The following MECR variants were observed in gnomAD, a reference collection of about 807,000 sequenced individuals.
MECR encodes the protein mitochondrial trans-2-enoyl-CoA reductase, also known as enoyl-[acyl-carrier-protein] reductase, mitochondrial.
Under a neutral mutation model 49.1 loss-of-function variants are expected in MECR, and 37 were observed. The ratio of observed to expected loss-of-function variants is 0.75; its 90% CI spans 0.58 to 0.99. The LOEUF (loss-of-function observed/expected upper bound fraction) is 0.99. Among genes scored for constraint, MECR ranks in the 50% least tolerant of loss-of-function variants. The probability of loss-of-function intolerance (pLI) is 0.00; values close to 1 mark genes in which losing one functional copy is unlikely to be tolerated. For missense variants in MECR, 470 were observed against 479.6 expected, an observed-to-expected ratio of 0.98 and a Z score of 0.19; for synonymous variants, 198 against 191.1, an observed-to-expected ratio of 1.04 and a Z score of -0.30.
At chr1:29,214,059 T>G (rs1444118998) in intron 3 of MECR, among the ~76,000 whole-genome samples, 1 of 149,486 alleles carries the variant, frequency 6.7e-6, no homozygotes, top group Non-Finnish European at 1.5e-5. Flanking sequence ...CAAATCAACT[T>G]TCTTTTTTTT....
chr1:29,188,619 C>CT (rs957656434), downstream of MECR, among the ~76,000 whole-genome samples: 31 of 151,276 alleles, frequency 2.0e-4, no homozygotes, highest in South Asian at 4.2e-4. Context: ...TGCGCTCAAG[C>CT]TTTTTTTTAG....
intron 1 of MECR, among the ~76,000 whole-genome samples, chr1:29,225,860 T>G (rs1205628553): frequency 6.6e-6 from 1 of 152,078 alleles, no homozygotes; most frequent in Non-Finnish European, 1.5e-5. Flanking sequence ...TCCTCCAAAG[T>G]CCATCTGGCT....
At chr1:29,215,981 C>T in intron 3 of MECR, 24 bp downstream of exon 3, 1 of 1,612,568 alleles carries the variant, frequency 6.2e-7, no homozygotes, top group Non-Finnish European at 8.5e-7. Context: ...AACGAATAGG[C>T]AGCTGACACC....
intron 1 of MECR, among the ~76,000 whole-genome samples, chr1:29,222,187 G>A (rs1308886562): frequency 3.3e-5 from 5 of 152,250 alleles, no homozygotes; most frequent in East Asian, 3.9e-4. Context: ...TCCGCCTCCC[G>A]GGTTCAAGGA....
chr1:29,181,492 T>C, the MECR span, among the ~76,000 whole-genome samples: 1 of 152,152 alleles, frequency 6.6e-6, no homozygotes. Context: ...AACCGGGGCC[T>C]ACCCGCGCCC....
At chr1:29,178,806 G>A in the MECR span, among the ~76,000 whole-genome samples, 1 of 152,220 alleles carries the variant, frequency 6.6e-6, no homozygotes, top group Admixed American at 6.5e-5. Flanking sequence ...ACTCTCCAGC[G>A]TTTTTGCCAT....
At chr1:29,176,705 C>G in the MECR span, among the ~76,000 whole-genome samples, 2 of 152,124 alleles carry the variant, frequency 1.3e-5, no homozygotes. Context: ...CAACAACGAC[C>G]TGCCTCACTC....
rs1446583276 is a variant in MECR at position 29,206,780 on chromosome 1, A to G, written c.532T>C (p.Phe178Leu). ...TTCCTACCTGGCTGCAGTTGCTCGA[A>G]GTCCATCAACATCCTGTAGGCTGTG... ...PCTAYRMLMD[F>L]EQLQPGDSVI... The change falls in exon 4 of 10, where the codon TTC (phenylalanine) becomes CTC (leucine). Residue 178 changes from phenylalanine to leucine, a missense_variant. Phe to Leu is a conservative substitution (Grantham distance 22). Transcript: ENST00000263702. 10 of 1,614,084 alleles carry G rather than the reference A, an allele frequency of 6.2e-6. No homozygotes were observed. The highest frequency in any genetic ancestry group is 8.5e-6 in the Non-Finnish European group (10 of 1,179,980).
the MECR span, chr1:29,181,782 G>A: frequency 1.3e-6 from 2 of 1,534,776 alleles, no homozygotes; most frequent in Admixed American, 3.9e-5. Flanking sequence ...GCTGGCCCCG[G>A]CCCCAGCCCC....
the MECR span, among the ~76,000 whole-genome samples, chr1:29,173,937 C>T: frequency 0.68 from 103,508 of 151,206 alleles, 36,947 homozygotes; most frequent in Non-Finnish European, 0.79. Context: ...GCCTGTAATC[C>T]CAGCACTTTG....
chr1:29,178,610 C>G, the MECR span, among the ~76,000 whole-genome samples: 2 of 152,262 alleles, frequency 1.3e-5, no homozygotes, highest in Admixed American at 1.3e-4. Flanking sequence ...CCCGCCTCGG[C>G]CTCCCAAAGT....
the MECR span, chr1:29,171,064 A>AT: frequency 6.6e-6 from 1 of 152,164 alleles, no homozygotes; most frequent in African/African-American, 2.4e-5. Flanking sequence ...TCAGGGTACT[A>AT]TAAGACCAGA....
chr1:29,174,022 C>T, the MECR span, among the ~76,000 whole-genome samples: 2 of 151,346 alleles, frequency 1.3e-5, no homozygotes, highest in African/African-American at 4.8e-5. Flanking sequence ...AACTGTGTCT[C>T]TACTAAAAAT....
intron 3 of MECR, among the ~76,000 whole-genome samples, chr1:29,214,134 T>C (rs1678732839): frequency 1.3e-5 from 2 of 151,012 alleles, no homozygotes; most frequent in African/African-American, 4.9e-5. Context: ...CAATCTCGGC[T>C]CACTGTAACC....
intron 5 of MECR, 43 bp downstream of exon 5, chr1:29,203,088 G>A (rs1675713020): frequency 1.4e-6 from 2 of 1,478,292 alleles, no homozygotes; most frequent in Non-Finnish European, 1.8e-6. Flanking sequence ...AGGTGGGAAA[G>A]ACCCAAGACA....
intron 1 of MECR, among the ~76,000 whole-genome samples, chr1:29,228,469 A>G (rs1484743306): frequency 6.6e-6 from 1 of 151,278 alleles, no homozygotes; most frequent in Admixed American, 6.6e-5. Flanking sequence ...CTCCTGCCTC[A>G]GCCTCCCGAG....
chr1:29,201,995 T>G lies in MECR; in HGVS notation c.704A>C (p.His235Pro). 6.2e-7 allele frequency: 1 copy of G among 1,614,230 alleles called. No individual in the cohort carries two copies. The change falls in exon 6 of 10, where the codon CAT (histidine) becomes CCT (proline). Residue 235 changes from histidine (H) to proline (P), a missense_variant. His to Pro is a moderately conservative substitution (Grantham distance 77). Transcript: ENST00000263702. This position sits in a 1 kb window ranked among gnomAD's most constrained non-coding sequence, Gnocchi z 4.3. ...TCTTAGCTCCTCTTCTGTGATGACA[T>G]GCTCAGCCCCCAGACTCTTCAGTCT... ...SDRLKSLGAE[H>P]VITEEELRRP...
chr1:29,196,089 C>T lies in MECR; in HGVS notation c.892-76G>A, dbSNP rs775649130. 1.9e-6 allele frequency: 3 copies of T among 1,596,930 alleles called. No homozygotes were observed. In the South Asian group the frequency reaches 3.3e-5, roughly 18 times the overall value. On this transcript the variant is annotated intron_variant, in intron 8 of 9. Coordinates refer to ENST00000263702, the MANE Select transcript of MECR (RefSeq NM_016011.5). ...ACCGCTTAAGGGTACAGACTCCCCT[C>T]CAGGAACGGGGCATTGCCTAAGCTT... is the stretch of plus-strand genomic sequence containing the variant.
intron 7 of MECR, 93 bp downstream of exon 7, chr1:29,200,423 G>A (rs181494571): frequency 1.5e-5 from 18 of 1,224,390 alleles, no homozygotes; most frequent in Middle Eastern, 2.6e-4. Context: ...GACTTGGCTC[G>A]AACTGGCGAT....
Sources: gnomAD v4.1 joint callset for allele counts (sites outside exome capture counted in the v4.1 genomes callset) on GRCh38, gnomAD v4.1.1 for gene constraint, Gnocchi (gnomAD v3.1) non-coding constraint, MANE v1.5 for transcripts, NCBI Gene and HGNC (gene_info 2026-07-23, HGNC 2026-07-21) for gene names.